The following CPVL variants were observed in gnomAD, a reference collection of about 807,000 sequenced individuals.
The protein encoded by CPVL is carboxypeptidase vitellogenic like, also known as probable serine carboxypeptidase CPVL.
A neutral mutation model predicts 63.7 loss-of-function variants in CPVL; 51 were observed. The ratio of observed to expected loss-of-function variants is 0.80; its 90% CI spans 0.64 to 1.01. The LOEUF is 1.01. CPVL is among the 50% of genes least tolerant of loss of function. The pLI is 0.00. For synonymous variants in CPVL, 195 were observed against 206.0 expected (o/e 0.95, Z 0.46); for missense variants, 530 against 573.1 (o/e 0.92, Z 0.77).
intron 5 of CPVL, among the ~76,000 whole-genome samples, chr7:29,157,263 C>A (rs542968911): frequency 6.6e-6 from 1 of 151,988 alleles, no homozygotes; most frequent in South Asian, 2.1e-4. Flanking sequence ...CCCTCCCCCA[C>A]CCTGCTACAC....
rs376208919 is a variant in CPVL at position 29,068,856 on chromosome 7, G to A, written c.865-2735C>T. The stretch of plus-strand genomic sequence containing the variant: ...ACTACAGGCGCCCGCCACTACGCCC[G>A]GCTAACTTTTTTGTATTTTTAGTAG... On this transcript the variant is annotated intron_variant, in intron 9 of 12. Coordinates refer to ENST00000265394, the MANE Select transcript of CPVL (RefSeq NM_031311.5). Among the ~76,000 whole-genome samples, 707 of 151,582 alleles carry A rather than the reference G, an allele frequency of 4.7e-3. 2 individuals are homozygous for A. Among genetic ancestry groups the A allele is most frequent in the African/African-American group, 0.016 (662 of 41,412 alleles).
At chr7:29,081,983 G>A (rs1008141859) in intron 7 of CPVL, among the ~76,000 whole-genome samples, 2 of 152,184 alleles carry the variant, frequency 1.3e-5, no homozygotes, top group Non-Finnish European at 2.9e-5. Flanking sequence ...AGATATTTAG[G>A]TCTGGTGCAT....
In CPVL at chr7:29,151,721, C is replaced by A. The variant is rs115752461; in HGVS notation, c.-11+29569G>T. Among the ~76,000 whole-genome samples the A allele has an allele frequency of 2.9e-3, 445 of 152,276 alleles. 3 individuals are homozygous for A. The highest frequency in any genetic ancestry group is 0.01 in the African/African-American group (416 of 41,530). ...GAGTAGACCGATGGCATCTGAATCC[C>A]AGCTCAGCCACTCATTAGCTGTGTG... On this transcript the variant is annotated intron_variant, in intron 5 of 16. Coordinates refer to the CPVL transcript ENST00000409850.
intron 1 of CPVL, chr7:29,194,562 C>T: frequency 5.0e-6 from 1 of 198,386 alleles, no homozygotes. Flanking sequence ...GCTGGCGGGG[C>T]GGCTCGGAGC....
intron 3 of CPVL, among the ~76,000 whole-genome samples, chr7:29,185,038 G>A (rs1468450387): frequency 1.3e-5 from 2 of 152,132 alleles, no homozygotes; most frequent in African/African-American, 2.4e-5. Context: ...CAAGCTGAGG[G>A]TTTTATTTTC....
intron 9 of CPVL, 59 bp from the exon 10 acceptor site, chr7:29,066,180 T>A (rs1204774658): frequency 1.0e-5 from 9 of 872,758 alleles, no homozygotes; most frequent in Non-Finnish European, 1.7e-5. Flanking sequence ...TGGATAAAAA[T>A]GTACAGACAT....
At chr7:29,015,279 C>G (rs891399883) in intron 12 of CPVL, among the ~76,000 whole-genome samples, 1 of 152,200 alleles carries the variant, frequency 6.6e-6, no homozygotes, top group African/African-American at 2.4e-5. Context: ...GCCACCATCA[C>G]CACATACCCC....
rs568431395 is a variant in CPVL, at chr7:29,112,803, G to C, written c.189C>G (p.Val63=). The C allele has an allele frequency of 1.2e-6, 2 of 1,612,650 alleles. No individual in the cohort carries two copies. The highest frequency in any genetic ancestry group is 2.7e-5 in the African/African-American group (2 of 74,662). ...TCATGTTCAGTCCTGGGAAAGGGCCGACCAAACTCAATTCTCTTCCTAGTG... is the reference window on the plus strand; with the variant it reads ...TCATGTTCAGTCCTGGGAAAGGGCCCACCAAACTCAATTCTCTTCCTAGTG... ...KIQKGRELSL[V]GPFPGLNMKS... The change falls in exon 3 of 13, where the codon GTC becomes GTG. Residue 63 remains valine (V), a synonymous_variant. Transcript: ENST00000265394.
intron 11 of CPVL, among the ~76,000 whole-genome samples, chr7:29,048,055 A>T (rs767373865): frequency 6.6e-6 from 1 of 152,226 alleles, no homozygotes. Flanking sequence ...CTAAATCTTG[A>T]AACAAATCCT....
At chr7:29,182,446 C>T (rs998450963) in intron 4 of CPVL, among the ~76,000 whole-genome samples, 4 of 152,118 alleles carry the variant, frequency 2.6e-5, no homozygotes, top group Non-Finnish European at 4.4e-5. Flanking sequence ...AAAAAGAAAA[C>T]GTAGAAAGTT....
chr7:29,062,929 G>A (rs1782771258), intron 11 of CPVL, among the ~76,000 whole-genome samples: 1 of 152,166 alleles, frequency 6.6e-6, no homozygotes, highest in Non-Finnish European at 1.5e-5. Flanking sequence ...ATCACTCAGT[G>A]GTGGTCTCCC....
intron 11 of CPVL, among the ~76,000 whole-genome samples, chr7:29,062,119 A>G (rs1473999582): frequency 6.6e-6 from 1 of 152,092 alleles, no homozygotes; most frequent in Non-Finnish European, 1.5e-5. Flanking sequence ...TGGTTTAATA[A>G]ATTTGTGGAT....
intron 1 of CPVL, among the ~76,000 whole-genome samples, chr7:29,142,474 A>G (rs1433809457): frequency 2.6e-5 from 4 of 151,662 alleles, no homozygotes; most frequent in South Asian, 4.2e-4. Context: ...CACTGACTCT[A>G]TAACAGGACG....
intron 1 of CPVL, chr7:29,127,642 C>A (rs1790174782): frequency 1.3e-5 from 2 of 152,134 alleles, no homozygotes; most frequent in Admixed American, 6.5e-5. Flanking sequence ...GCTCTCTGAC[C>A]TTTTCCCACC....
chr7:29,121,182 G>T, intron 1 of CPVL, 111 bp from the exon 2 acceptor site: 1 of 1,040,424 alleles, frequency 9.6e-7, no homozygotes, highest in Non-Finnish European at 1.3e-6. Flanking sequence ...GTGTGTAAAG[G>T]CCCTCTGCAA....
At chr7:29,006,187 C>A (rs1017700897) in intron 12 of CPVL, among the ~76,000 whole-genome samples, 1 of 152,186 alleles carries the variant, frequency 6.6e-6, no homozygotes, top group African/African-American at 2.4e-5. Context: ...AAGTTGGTAG[C>A]TTGAAATTGG....
At position 29,066,029 on chromosome 7, in the gene CPVL, C is replaced by A. The variant is rs778792402; in HGVS notation, c.957G>T (p.Arg319=). The A allele has an allele frequency of 6.3e-7, 1 of 1,580,944 alleles. No homozygotes were observed. The highest frequency in any genetic ancestry group is 8.6e-7 in the Non-Finnish European group (1 of 1,158,818). ...TGCSNYYNFL[R]CTEPEDQLYY... ...GTTTTTAAAATGTCATTACCGTGCA[C>A]CGCAAAAAGTTATAGTAATTACTAC... Residue 319 remains arginine (R), a synonymous_variant, in exon 10 of 13, where the codon CGG becomes CGT. Transcript: ENST00000265394.
chr7:29,018,358 T>C (rs1381077587), intron 12 of CPVL, among the ~76,000 whole-genome samples: 2 of 151,258 alleles, frequency 1.3e-5, no homozygotes, highest in East Asian at 1.9e-4. Flanking sequence ...ATGGTTATTA[T>C]TCCGATTAAA....
chr7:29,020,260 G>T (rs1377520078), intron 12 of CPVL, among the ~76,000 whole-genome samples: 1 of 152,182 alleles, frequency 6.6e-6, no homozygotes. Context: ...TCGTGTGTGT[G>T]CCTGGTGAGA....
Sources: gnomAD v4.1 joint callset for allele counts (sites outside exome capture counted in the v4.1 genomes callset) on GRCh38, gnomAD v4.1.1 for gene constraint, MANE v1.5 for transcripts, NCBI Gene and HGNC (gene_info 2026-07-23, HGNC 2026-07-21) for gene names.